SKAP2: variants seen among roughly 807,000 people sequenced by gnomAD.
The protein encoded by SKAP2 is src kinase-associated phosphoprotein 2.
Under a neutral mutation model 54.9 loss-of-function variants are expected in SKAP2, and 28 were observed. That is an observed-to-expected ratio of 0.51 (90% CI 0.38 to 0.70). The LOEUF is 0.70. SKAP2 is among the 30% of genes least tolerant of loss of function. SKAP2 has a pLI of 0.00. For synonymous variants in SKAP2, 137 were observed against 134.3 expected (o/e 1.02, Z -0.14); for missense variants, 356 against 424.1 (o/e 0.84, Z 1.41).
intron 6 of SKAP2, among the ~76,000 whole-genome samples, chr7:26,737,452 CA>C (rs1305226995): frequency 6.6e-6 from 1 of 152,084 alleles, no homozygotes; most frequent in Non-Finnish European, 1.5e-5. Context: ...TCTCATTAGC[CA>C]AAAGGTAAGA....
At chr7:26,709,709 G>A (rs147878986) in intron 9 of SKAP2, among the ~76,000 whole-genome samples, 115 of 152,228 alleles carry the variant, frequency 7.6e-4, no homozygotes, top group African/African-American at 2.6e-3. Context: ...ATGATCCTGT[G>A]CTCTTTAGAT....
In SKAP2 at chr7:26,705,999, A is replaced by G. The variant is rs548714572; in HGVS notation, c.797-15637T>C. Among the ~76,000 whole-genome samples the G allele has an allele frequency of 1.6e-4, 24 of 152,340 alleles. No homozygotes were observed. In the South Asian group the frequency reaches 3.7e-3, roughly 24 times the overall value. On this transcript the variant is annotated intron_variant, in intron 9 of 12. Transcript: ENST00000345317. Reference sequence around the variant, plus strand: ...AATTATTTTAAAATTAACAAATAAGACATTCTGCTGCTAGAAACTCAAAAT... The same window carrying G: ...AATTATTTTAAAATTAACAAATAAGGCATTCTGCTGCTAGAAACTCAAAAT...
intron 4 of SKAP2, among the ~76,000 whole-genome samples, chr7:26,783,238 A>T: frequency 6.6e-6 from 1 of 152,180 alleles, no homozygotes; most frequent in East Asian, 1.9e-4. Flanking sequence ...TCTCCTCTCC[A>T]AGTCAATCAC....
At chr7:26,715,817 C>A (rs1394916978) in intron 9 of SKAP2, among the ~76,000 whole-genome samples, 1 of 152,088 alleles carries the variant, frequency 6.6e-6, no homozygotes, top group Non-Finnish European at 1.5e-5. Flanking sequence ...TGCTACAATG[C>A]TACAAGTTGT....
chr7:26,689,357 G>A (rs985090233), intron 10 of SKAP2, among the ~76,000 whole-genome samples: 1 of 152,144 alleles, frequency 6.6e-6, no homozygotes, highest in Non-Finnish European at 1.5e-5. Flanking sequence ...TCTTCTTTCC[G>A]TGTAAAATAA....
intron 9 of SKAP2, among the ~76,000 whole-genome samples, chr7:26,709,958 T>C (rs1431150738): frequency 6.6e-6 from 1 of 152,196 alleles, no homozygotes; most frequent in African/African-American, 2.4e-5. Flanking sequence ...AATAGTAATG[T>C]TAGATTTTAA....
At chr7:26,786,182 G>T (rs995479687) in intron 4 of SKAP2, among the ~76,000 whole-genome samples, 1 of 152,108 alleles carries the variant, frequency 6.6e-6, no homozygotes, top group African/African-American at 2.4e-5. Flanking sequence ...GGGAAATTAG[G>T]ACCCAGGGGA....
In SKAP2 at chr7:26,851,175, T is replaced by G. The variant is rs75385197; in HGVS notation, c.199+2962A>C. On this transcript the variant is annotated intron_variant, in intron 3 of 12. Transcript: ENST00000345317. The stretch of plus-strand genomic sequence containing the variant: ...TGGCTCATGCCTGTGATCCATCACT[T>G]TGGGAGGCTGAGGCAGCTGATCTCT... Among the ~76,000 whole-genome samples the G allele has an allele frequency of 4.7e-3, 706 of 151,516 alleles. 6 individuals carry two copies. Among genetic ancestry groups the G allele is most frequent in the African/African-American group, 0.016 (662 of 41,270 alleles).
chr7:26,770,260 G>A (rs2127974568), intron 4 of SKAP2, among the ~76,000 whole-genome samples: 1 of 152,230 alleles, frequency 6.6e-6, no homozygotes, highest in Admixed American at 6.5e-5. Flanking sequence ...ACTATGAGGG[G>A]AAAACTGCCT....
At chr7:26,681,394 A>G (rs1200456033) in intron 11 of SKAP2, among the ~76,000 whole-genome samples, 1 of 152,256 alleles carries the variant, frequency 6.6e-6, no homozygotes, top group Non-Finnish European at 1.5e-5. Context: ...CGGTGAGCCG[A>G]GATCGTGCCA....
chr7:26,708,125 A>G (rs1787208364), intron 9 of SKAP2, among the ~76,000 whole-genome samples: 1 of 152,230 alleles, frequency 6.6e-6, no homozygotes, highest in Non-Finnish European at 1.5e-5. Context: ...CTGAAGGAGC[A>G]CAGAGAAGAG....
At chr7:26,698,399 T>C (rs1786943805) in intron 9 of SKAP2, among the ~76,000 whole-genome samples, 1 of 152,214 alleles carries the variant, frequency 6.6e-6, no homozygotes. Flanking sequence ...TTTTTCACTA[T>C]GTTAACATTT....
At chr7:26,809,843 C>T (rs760380575) in intron 4 of SKAP2, among the ~76,000 whole-genome samples, 4 of 152,192 alleles carry the variant, frequency 2.6e-5, no homozygotes, top group Non-Finnish European at 4.4e-5. Context: ...AGCCAAGATA[C>T]GGAATCAGCC....
intron 10 of SKAP2, 75 bp from the exon 11 acceptor site, chr7:26,684,923 A>C: frequency 1.2e-6 from 1 of 825,888 alleles, no homozygotes; most frequent in Non-Finnish European, 2.0e-6. Flanking sequence ...AACCAGTAGA[A>C]ATTAAATGAT....
chr7:26,693,332 CAAAAAA>C (rs34775523), intron 9 of SKAP2, among the ~76,000 whole-genome samples: 1 of 79,890 alleles, frequency 1.3e-5, no homozygotes, highest in Non-Finnish European at 2.6e-5. Context: ...AGCTCCATCT[CAAAAAA>C]AAAAAAAAAA....
At chr7:26,859,486 G>A (rs1785237835) in intron 1 of SKAP2, among the ~76,000 whole-genome samples, 1 of 152,170 alleles carries the variant, frequency 6.6e-6, no homozygotes, top group African/African-American at 2.4e-5. Context: ...CAGATGAACT[G>A]TGGACTTTTC....
intron 4 of SKAP2, among the ~76,000 whole-genome samples, chr7:26,808,978 G>A (rs1439837707): frequency 6.6e-6 from 1 of 152,146 alleles, no homozygotes; most frequent in Middle Eastern, 3.2e-3. Context: ...TTTCTGTACG[G>A]CAAAGGAAAC....
At chr7:26,737,417 G>A (rs1159035116) in intron 6 of SKAP2, among the ~76,000 whole-genome samples, 2 of 152,124 alleles carry the variant, frequency 1.3e-5, no homozygotes, top group African/African-American at 4.8e-5. Context: ...ATGCAAACTA[G>A]CTACTAAATT....
At chr7:26,846,992 C>CA (rs1196493477) in intron 3 of SKAP2, among the ~76,000 whole-genome samples, 1 of 151,686 alleles carries the variant, frequency 6.6e-6, no homozygotes, top group Non-Finnish European at 1.5e-5. Flanking sequence ...GACTCTGTCT[C>CA]AAAAAATCAA....
Sources: allele counts gnomAD v4.1 joint callset (sites outside exome capture counted in the v4.1 genomes callset), GRCh38; gene constraint gnomAD v4.1.1; transcripts MANE v1.5; gene names NCBI Gene and HGNC (gene_info 2026-07-23, HGNC 2026-07-21).